BACH2: variants seen among roughly 807,000 people sequenced by gnomAD.
BACH2 encodes transcription regulator protein BACH2.
In BACH2, 5 loss-of-function variants were observed where a neutral mutation model predicts 61.8. That is an observed-to-expected ratio of 0.08 (90% CI 0.04 to 0.17). BACH2 has a LOEUF of 0.17. Ranked by LOEUF, BACH2 falls within the 10% of genes least tolerant of loss-of-function variation. The pLI is 1.00. For synonymous variants in BACH2, 446 were observed against 440.1 expected (o/e 1.01, Z -0.17); for missense variants, 824 against 1,091.1 (o/e 0.76, Z 3.45).
intron 4 of BACH2, among the ~76,000 whole-genome samples, chr6:90,116,100 A>G (rs986245674): frequency 1.3e-5 from 2 of 152,138 alleles, no homozygotes; most frequent in Non-Finnish European, 2.9e-5. Flanking sequence ...CTGTATGGCA[A>G]TTCCTCAAAG....
At position 89,951,072 on chromosome 6, in the gene BACH2, A is replaced by T; in HGVS notation, c.1034T>A (p.Phe345Tyr). 1 of 1,612,330 alleles carries T rather than the reference A, an allele frequency of 6.2e-7. No homozygotes were observed. The highest frequency in any genetic ancestry group is 8.5e-7 in the Non-Finnish European group (1 of 1,179,186). The change falls in exon 7 of 9, where the codon TTC becomes TAC. Residue 345 changes from phenylalanine to tyrosine, a missense_variant. Phe to Tyr is a conservative substitution (Grantham distance 22). Coordinates refer to ENST00000257749, the MANE Select transcript of BACH2 (RefSeq NM_021813.4). This position sits in a 1 kb window ranked among gnomAD's most constrained non-coding sequence, Gnocchi z 6.4. ...VASPSCLRSL[F>Y]SITKSVELSG... ...CAGCTCCACACTTTTCGTTATGCTGAACAGAGACCTTAAGCAGGAGGGCGA... is the reference window on the plus strand; with the variant it reads ...CAGCTCCACACTTTTCGTTATGCTGTACAGAGACCTTAAGCAGGAGGGCGA...
At chr6:90,122,783 C>A (rs765294419) in intron 4 of BACH2, among the ~76,000 whole-genome samples, 2 of 152,294 alleles carry the variant, frequency 1.3e-5, no homozygotes, top group Admixed American at 1.3e-4. Context: ...GGAGACCCAC[C>A]AGGACAGAAG....
intron 3 of BACH2, among the ~76,000 whole-genome samples, chr6:90,222,953 GCT>G (rs1342942787): frequency 6.6e-6 from 1 of 152,132 alleles, no homozygotes; most frequent in Admixed American, 6.5e-5. Flanking sequence ...GCGCACCCCT[GCT>G]CTCTTTAAAA....
chr6:90,009,589 G>GA (rs1203921319), intron 5 of BACH2, among the ~76,000 whole-genome samples: 1 of 152,190 alleles, frequency 6.6e-6, no homozygotes, highest in Non-Finnish European at 1.5e-5. Flanking sequence ...TAGCAGTCAT[G>GA]AAAAAAGATG....
At chr6:90,254,312 C>A (rs1167267766) in intron 2 of BACH2, among the ~76,000 whole-genome samples, 1 of 151,568 alleles carries the variant, frequency 6.6e-6, no homozygotes. Context: ...TGTGAATCTT[C>A]CTAGATCTTT....
chr6:90,141,400 C>T (rs1016779519), intron 4 of BACH2, among the ~76,000 whole-genome samples: 12 of 151,814 alleles, frequency 7.9e-5, no homozygotes, highest in Non-Finnish European at 1.6e-4. Flanking sequence ...GGGCTAGTCA[C>T]GAACTCCTGA....
At chr6:90,198,042 C>T (rs1048322777) in intron 4 of BACH2, among the ~76,000 whole-genome samples, 6 of 152,322 alleles carry the variant, frequency 3.9e-5, no homozygotes, top group East Asian at 3.9e-4. Context: ...CATGACTCAG[C>T]GAGTTTGGAG....
intron 5 of BACH2, among the ~76,000 whole-genome samples, chr6:90,077,410 C>T (rs913253359): frequency 6.6e-6 from 1 of 152,054 alleles, no homozygotes; most frequent in African/African-American, 2.4e-5. Flanking sequence ...ATTTCGTTAA[C>T]AGAGAAAAGT....
chr6:90,260,134 T>C (rs2127874881), intron 2 of BACH2, among the ~76,000 whole-genome samples: 1 of 152,302 alleles, frequency 6.6e-6, no homozygotes, highest in South Asian at 2.1e-4. Context: ...TGAGGTGTAA[T>C]GTCACACTAT....
intron 5 of BACH2, among the ~76,000 whole-genome samples, chr6:90,026,332 T>C (rs1388754128): frequency 3.3e-5 from 5 of 152,150 alleles, no homozygotes; most frequent in African/African-American, 1.2e-4. Context: ...TAATTGTGTT[T>C]CTTAAATTAG....
rs10566376 is a variant in BACH2 at position 90,172,340 on chromosome 6, TACA to T, written c.-162+34226_-162+34228del. ...AAAAAAAAAGACATTATACATAACA[TACA>T]GAAGGAAAATATAAAAGAAATATTT... On this transcript the variant is annotated intron_variant, in intron 4 of 8. Transcript: ENST00000257749. Among the ~76,000 whole-genome samples the T allele has an allele frequency of 7.2e-3, 1,036 of 144,326 alleles. 16 individuals are homozygous for T. The highest frequency in any genetic ancestry group is 0.025 in the African/African-American group (973 of 39,172). The allele number at this position is 144,326 out of a possible 152,430, so 94.7% of individuals were successfully genotyped here.
chr6:89,996,080 C>T (rs1411214071), intron 6 of BACH2, among the ~76,000 whole-genome samples: 2 of 152,142 alleles, frequency 1.3e-5, no homozygotes, highest in Non-Finnish European at 2.9e-5. Context: ...CCAGTCATTG[C>T]CTATGCTGGT....
At position 90,008,875 on chromosome 6, in the gene BACH2, C is replaced by G. The variant is rs189901289; in HGVS notation, c.-12-19G>C. On this transcript the variant is annotated intron_variant, in intron 5 of 8. Coordinates refer to ENST00000257749, the MANE Select transcript of BACH2 (RefSeq NM_021813.4). This position sits in a 1 kb window ranked among gnomAD's most constrained non-coding sequence, Gnocchi z 4.1. The stretch of plus-strand genomic sequence containing the variant: ...TCACACCCTGAAAGAAAGAAAGAAA[C>G]AAAGAAAGAAAGAAAGAAAGGCTGA... The G allele has an allele frequency of 3.3e-3, 5,332 of 1,607,760 alleles. 9 individuals are homozygous for G. The highest frequency in any genetic ancestry group is 8.8e-3 in the African/African-American group (657 of 74,598).
At chr6:90,116,339 G>A (rs1366528012) in intron 4 of BACH2, among the ~76,000 whole-genome samples, 1 of 152,162 alleles carries the variant, frequency 6.6e-6, no homozygotes, top group Non-Finnish European at 1.5e-5. Context: ...CATGTCTTTG[G>A]CAGGAACATG....
chr6:90,013,789 T>C (rs1179513342), intron 5 of BACH2, among the ~76,000 whole-genome samples: 1 of 152,110 alleles, frequency 6.6e-6, no homozygotes, highest in Non-Finnish European at 1.5e-5. Flanking sequence ...ATTATAGGTG[T>C]GAGTCACTGT....
At chr6:90,183,969 A>T (rs1768258482) in intron 4 of BACH2, among the ~76,000 whole-genome samples, 1 of 152,204 alleles carries the variant, frequency 6.6e-6, no homozygotes, top group Non-Finnish European at 1.5e-5. Context: ...GTAGCAAAGG[A>T]CGTCTTTTCT....
In BACH2 at chr6:90,146,935, C is replaced by T. The variant is rs184928962; in HGVS notation, c.-161-57826G>A. On this transcript the variant is annotated intron_variant, in intron 4 of 8. Transcript: ENST00000257749. ...GAAGAAATAAAAAATCTTGCAGTAGCCTCCAGGAGACGTAGGATAAGTCAA... is the reference window on the plus strand; with the variant it reads ...GAAGAAATAAAAAATCTTGCAGTAGTCTCCAGGAGACGTAGGATAAGTCAA... Among the ~76,000 whole-genome samples, 859 of 152,234 alleles carry T rather than the reference C, an allele frequency of 5.6e-3. 10 individuals carry two copies. Among genetic ancestry groups the T allele is most frequent in the Non-Finnish European group, 8.7e-3 (590 of 68,016 alleles).
At chr6:89,952,118 T>C (rs1774165724) in intron 6 of BACH2, 4 of 525,908 alleles carry the variant, frequency 7.6e-6, no homozygotes, top group Non-Finnish European at 6.8e-6. Flanking sequence ...CTAAACAAGA[T>C]GACAACGGGT....
chr6:89,928,850 C>G lies in BACH2; in HGVS notation c.*3558G>C, dbSNP rs1402770737. ...CTCAGAAGATAAATAGCAGGATGGC[C>G]TCGTAACTTTGTCGGTTTTTTTTTT... On this transcript the variant is annotated 3_prime_UTR_variant, in exon 9 of 9. Coordinates refer to ENST00000257749, the MANE Select transcript of BACH2 (RefSeq NM_021813.4). 6.7e-6 allele frequency: 1 copy of G among 148,276 alleles called. No individual in the cohort carries two copies. The highest frequency in any genetic ancestry group is 1.5e-5 in the Non-Finnish European group (1 of 67,268). The allele number at this position is 148,276 out of a possible 1,614,324, so 9.2% of individuals were successfully genotyped here.
Sources: gnomAD v4.1 joint callset for allele counts (sites outside exome capture counted in the v4.1 genomes callset) on GRCh38, gnomAD v4.1.1 for gene constraint, Gnocchi (gnomAD v3.1) non-coding constraint, MANE v1.5 for transcripts, NCBI Gene and HGNC (gene_info 2026-07-23, HGNC 2026-07-21) for gene names.